The following PTPRR variants were observed in gnomAD, a reference collection of about 807,000 sequenced individuals.
The protein encoded by PTPRR is receptor-type tyrosine-protein phosphatase R.
A neutral mutation model predicts 77.2 loss-of-function variants in PTPRR; 38 were observed. That is an observed-to-expected ratio of 0.49 (90% CI 0.38 to 0.65). The LOEUF (loss-of-function observed/expected upper bound fraction) is 0.65. Ranked by LOEUF, PTPRR falls within the 30% of genes least tolerant of loss-of-function variation. The pLI is 0.00. For synonymous variants in PTPRR, 299 were observed against 283.1 expected (o/e 1.06, Z -0.57); for missense variants, 744 against 799.2 (o/e 0.93, Z 0.83).
At chr12:70,670,233 C>T (rs1887169823) in intron 10 of PTPRR, among the ~76,000 whole-genome samples, 1 of 152,196 alleles carries the variant, frequency 6.6e-6, no homozygotes, top group South Asian at 2.1e-4. Context: ...GTAATTCCTT[C>T]ACTTCATGAA....
At chr12:70,890,628 C>G (rs1200749926) in intron 2 of PTPRR, among the ~76,000 whole-genome samples, 7 of 152,036 alleles carry the variant, frequency 4.6e-5, no homozygotes. Flanking sequence ...TATAATTTCT[C>G]CAGTTCAAGA....
intron 1 of PTPRR, among the ~76,000 whole-genome samples, chr12:70,903,868 A>G (rs1893580207): frequency 6.6e-6 from 1 of 151,840 alleles, no homozygotes; most frequent in African/African-American, 2.4e-5. Context: ...TGTATAAAGA[A>G]CTCTCAAAAC....
At chr12:70,846,270 T>C (rs556287210) in intron 2 of PTPRR, among the ~76,000 whole-genome samples, 1 of 152,102 alleles carries the variant, frequency 6.6e-6, no homozygotes, top group Non-Finnish European at 1.5e-5. Context: ...GACTAGATTA[T>C]GAGATTACAT....
intron 2 of PTPRR, among the ~76,000 whole-genome samples, chr12:70,817,611 G>A (rs1179406341): frequency 2.6e-5 from 4 of 152,156 alleles, no homozygotes; most frequent in Non-Finnish European, 4.4e-5. Context: ...ACACAGTCTT[G>A]TTGAACAGGC....
At chr12:70,739,208 G>A (rs549350746) in intron 6 of PTPRR, among the ~76,000 whole-genome samples, 7 of 152,120 alleles carry the variant, frequency 4.6e-5, no homozygotes, top group Non-Finnish European at 8.8e-5. Flanking sequence ...GTGTAGGCTT[G>A]TGAAATGGAA....
At chr12:70,731,478 G>A (rs1889660826) in intron 6 of PTPRR, among the ~76,000 whole-genome samples, 1 of 152,140 alleles carries the variant, frequency 6.6e-6, no homozygotes, top group Non-Finnish European at 1.5e-5. Flanking sequence ...TCAATTGTAG[G>A]ATATTTTCTT....
intron 6 of PTPRR, among the ~76,000 whole-genome samples, chr12:70,703,520 C>T (rs966313292): frequency 3.9e-5 from 6 of 152,134 alleles, no homozygotes; most frequent in Non-Finnish European, 8.8e-5. Context: ...AATGGTTCTA[C>T]TCATGGACCA....
chr12:70,834,841 G>A (rs1365933829), intron 2 of PTPRR, among the ~76,000 whole-genome samples: 3 of 152,082 alleles, frequency 2.0e-5, no homozygotes, highest in Admixed American at 6.6e-5. Context: ...CCTGGCTAGA[G>A]AATATTTTTC....
At chr12:70,718,636 G>A (rs949793900) in intron 6 of PTPRR, among the ~76,000 whole-genome samples, 3 of 152,180 alleles carry the variant, frequency 2.0e-5, no homozygotes, top group African/African-American at 4.8e-5. Flanking sequence ...TTGGTGGAAT[G>A]TTTTAAAGAG....
intron 10 of PTPRR, among the ~76,000 whole-genome samples, chr12:70,668,333 C>T (rs1162479977): frequency 1.3e-5 from 2 of 152,060 alleles, no homozygotes; most frequent in African/African-American, 4.8e-5. Context: ...TGGCTTTGGG[C>T]AAGTTGCCTT....
chr12:70,911,344 T>A (rs1057212865), intron 1 of PTPRR, among the ~76,000 whole-genome samples: 4 of 152,126 alleles, frequency 2.6e-5, no homozygotes, highest in Non-Finnish European at 4.4e-5. Flanking sequence ...TATAGACCTA[T>A]GAGCAGCATC....
At chr12:70,681,490 T>C (rs960695462) in intron 10 of PTPRR, among the ~76,000 whole-genome samples, 1 of 152,178 alleles carries the variant, frequency 6.6e-6, no homozygotes, top group Admixed American at 6.5e-5. Context: ...TAGTCCCCAC[T>C]GGGGATGCAT....
chr12:70,868,865 T>C (rs1272845056), intron 2 of PTPRR, among the ~76,000 whole-genome samples: 1 of 151,906 alleles, frequency 6.6e-6, no homozygotes, highest in Non-Finnish European at 1.5e-5. Context: ...TAAAAAATGA[T>C]GAGTTCATGT....
chr12:70,876,853 G>C (rs1893060275), intron 2 of PTPRR, among the ~76,000 whole-genome samples: 1 of 152,180 alleles, frequency 6.6e-6, no homozygotes, highest in African/African-American at 2.4e-5. Flanking sequence ...TGAAATGAAT[G>C]AGTCAGATCT....
At chr12:70,770,347 AAGGAT>A (rs1415714281) in intron 2 of PTPRR, among the ~76,000 whole-genome samples, 1 of 152,186 alleles carries the variant, frequency 6.6e-6, no homozygotes, top group Admixed American at 6.5e-5. Context: ...AAAGTGGGCA[AAGGAT>A]ATGAACAGAC....
intron 10 of PTPRR, among the ~76,000 whole-genome samples, 191 bp downstream of exon 10, chr12:70,683,936 C>T (rs1887764844): frequency 6.6e-6 from 1 of 152,130 alleles, no homozygotes; most frequent in Admixed American, 6.5e-5. Context: ...AGTATATTGA[C>T]TTGTCTGAAA....
intron 1 of PTPRR, among the ~76,000 whole-genome samples, chr12:70,905,947 C>T (rs1282510629): frequency 6.6e-6 from 1 of 151,956 alleles, no homozygotes; most frequent in Admixed American, 6.6e-5. Flanking sequence ...AAATGGATAG[C>T]ATCAAGGGCT....
intron 1 of PTPRR, among the ~76,000 whole-genome samples, chr12:70,907,513 A>G (rs1044973068): frequency 3.9e-5 from 6 of 152,076 alleles, no homozygotes; most frequent in Non-Finnish European, 7.4e-5. Flanking sequence ...GGAAAAATCC[A>G]TTGTCTGCTA....
chr12:70,823,859 G>T (rs547269636), intron 2 of PTPRR, among the ~76,000 whole-genome samples: 2 of 152,180 alleles, frequency 1.3e-5, no homozygotes, highest in Non-Finnish European at 1.5e-5. Flanking sequence ...TCTTGTAAGC[G>T]GGATGTGCTA....
Sources: gnomAD v4.1 joint callset for allele counts (sites outside exome capture counted in the v4.1 genomes callset) on GRCh38, gnomAD v4.1.1 for gene constraint, MANE v1.5 for transcripts, NCBI Gene and HGNC (gene_info 2026-07-23, HGNC 2026-07-21) for gene names.